TOMM70: variants seen among roughly 807,000 people sequenced by gnomAD.
The protein encoded by TOMM70 is translocase of outer mitochondrial membrane 70, also known as mitochondrial import receptor subunit TOM70.
Under a neutral mutation model 73.6 loss-of-function variants are expected in TOMM70, and 13 were observed. The ratio of observed to expected loss-of-function variants is 0.18; its 90% CI spans 0.11 to 0.28. The LOEUF is 0.28. Ranked by LOEUF, TOMM70 falls within the 10% of genes least tolerant of loss-of-function variation. The pLI is 1.00. For synonymous variants in TOMM70, 257 were observed against 271.2 expected (o/e 0.95, Z 0.51); for missense variants, 609 against 747.5 (o/e 0.81, Z 2.16).
At chr3:100,383,522 C>CAAAA (rs61429707) in intron 4 of TOMM70, among the ~76,000 whole-genome samples, 1 of 136,658 alleles carries the variant, frequency 7.3e-6, no homozygotes. Flanking sequence ...AAAAAACAAA[C>CAAAA]AAAAAAAAAA....
chr3:100,393,699 A>G (rs1167912258), intron 1 of TOMM70, among the ~76,000 whole-genome samples: 2 of 150,364 alleles, frequency 1.3e-5, no homozygotes, highest in East Asian at 3.9e-4. Flanking sequence ...ATGACATGAA[A>G]TCTACTCTAG....
intron 1 of TOMM70, among the ~76,000 whole-genome samples, chr3:100,392,904 C>T (rs76807816): frequency 0.15 from 22,697 of 151,802 alleles, 3,129 homozygotes; most frequent in East Asian, 0.49. Context: ...TGGCCAGGCA[C>T]GGTGGCTCAT....
chr3:100,387,806 T>C (rs1706711723), intron 1 of TOMM70, among the ~76,000 whole-genome samples: 1 of 152,038 alleles, frequency 6.6e-6, no homozygotes, highest in Non-Finnish European at 1.5e-5. Flanking sequence ...TGGCTAATTT[T>C]TTAATTTTTA....
rs192297797 is a variant in TOMM70 at position 100,378,974 on chromosome 3, T to G, written c.885-1062A>C. On this transcript the variant is annotated intron_variant, in intron 5 of 11. Transcript: ENST00000284320. Reference sequence around the variant, plus strand: ...GTGAGCTGAGATCGCGCCACTACACTCCAGCTTGGGCGACAGAGCGAGACT... The same window carrying G: ...GTGAGCTGAGATCGCGCCACTACACGCCAGCTTGGGCGACAGAGCGAGACT... Among the ~76,000 whole-genome samples the G allele has an allele frequency of 4.0e-3, 612 of 151,994 alleles. 3 individuals carry two copies. The highest frequency in any genetic ancestry group is 7.9e-3 in the South Asian group (38 of 4,802).
chr3:100,377,490 A>C (rs1352241088), intron 6 of TOMM70: 8 of 528,126 alleles, frequency 1.5e-5, no homozygotes, highest in Admixed American at 3.2e-5. Flanking sequence ...CTATAGGAAA[A>C]AAAAATTTCC....
At chr3:100,373,752 T>C (rs1381436508) in intron 7 of TOMM70, 107 bp from the exon 8 acceptor site, 1 of 605,494 alleles carries the variant, frequency 1.7e-6, no homozygotes, top group Non-Finnish European at 2.8e-6. Context: ...CATGTAGTAG[T>C]AATTCAATAT....
chr3:100,368,023 C>G, intron 11 of TOMM70, 21 bp downstream of exon 11: 1 of 1,609,132 alleles, frequency 6.2e-7, no homozygotes, highest in Non-Finnish European at 8.5e-7. Flanking sequence ...CATATATTTC[C>G]TAACAGACTC....
At position 100,363,721 on chromosome 3, in the gene TOMM70, TTTA is replaced by T. The variant is rs889519918; in HGVS notation, c.*1840_*1842del. On this transcript the variant is annotated 3_prime_UTR_variant, in exon 12 of 12. Transcript: ENST00000284320. ...ATACAGCCATGCAAATAAAAACTTT[TTTA>T]AAGTCAGAGGTCATTCAGAGATGTA... The T allele has an allele frequency of 8.5e-5, 13 of 152,634 alleles. No homozygotes were observed. Among genetic ancestry groups the T allele is most frequent in the African/African-American group, 2.4e-5 (1 of 41,460 alleles). 9.5% of individuals were successfully genotyped at this position (152,634 alleles called of 1,614,324 possible).
At chr3:100,390,392 A>G (rs928302194) in intron 1 of TOMM70, among the ~76,000 whole-genome samples, 1 of 152,348 alleles carries the variant, frequency 6.6e-6, no homozygotes, top group African/African-American at 2.4e-5. Flanking sequence ...CTGAATATAC[A>G]ATGGTGGTCC....
At chr3:100,393,517 G>A (rs1706787288) in intron 1 of TOMM70, among the ~76,000 whole-genome samples, 1 of 152,078 alleles carries the variant, frequency 6.6e-6, no homozygotes, top group African/African-American at 2.4e-5. Flanking sequence ...CTTGGGTGAT[G>A]AGTGCACTAA....
rs114607624 is a variant in TOMM70 at position 100,368,447 on chromosome 3, G to A, written c.1551-281C>T. 3.3e-3 allele frequency among the ~76,000 whole-genome samples: 509 copies of A among 152,180 alleles called. 3 individuals carry two copies. Among genetic ancestry groups the A allele is most frequent in the Middle Eastern group, 0.014 (4 of 294 alleles). ...TATAAATTTAAGTGAAGTTTCTTAG[G>A]ATAATTCAAGTACGCAAGGACACGA... On this transcript the variant is annotated intron_variant, in intron 10 of 11. Coordinates refer to ENST00000284320, the MANE Select transcript of TOMM70 (RefSeq NM_014820.5).
At position 100,384,500 on chromosome 3, in the gene TOMM70, C is replaced by T. The variant is rs570670915; in HGVS notation, c.714G>A (p.Glu238=). 5.0e-5 allele frequency: 81 copies of T among 1,609,818 alleles called. No individual in the cohort carries two copies. Among genetic ancestry groups the T allele is most frequent in the Non-Finnish European group, 6.3e-5 (74 of 1,178,440 alleles). ...TTACCTTATATTTTTCTTTGGCTTT[C>T]TCTTTTCCAAGGAGTTTAAGAACTT... The part of the protein sequence containing the change: ...ADKVLKLLGK[E]KAKEKYKNRE... The change falls in exon 4 of 12, where the codon GAG becomes GAA. Residue 238 remains glutamate (E), a synonymous_variant. Coordinates refer to ENST00000284320, the MANE Select transcript of TOMM70 (RefSeq NM_014820.5).
At chr3:100,398,424 A>G (rs569619357) in intron 1 of TOMM70, among the ~76,000 whole-genome samples, 1 of 152,064 alleles carries the variant, frequency 6.6e-6, no homozygotes, top group South Asian at 2.1e-4. Context: ...ATGTATAGAA[A>G]CTATCTTTAT....
chr3:100,383,319 C>T (rs1402134556), intron 4 of TOMM70, among the ~76,000 whole-genome samples: 6 of 152,052 alleles, frequency 3.9e-5, no homozygotes, highest in East Asian at 3.9e-4. Context: ...CTCAGGAGTT[C>T]GAGACCAGCC....
chr3:100,372,412 G>C, intron 9 of TOMM70, 194 bp downstream of exon 9: 2 of 431,588 alleles, frequency 4.6e-6, no homozygotes, highest in South Asian at 1.5e-4. Context: ...TTAGGGCCAT[G>C]ATTTCCAAAT....
chr3:100,373,297 C>T (rs926051318), intron 8 of TOMM70, among the ~76,000 whole-genome samples: 1 of 152,078 alleles, frequency 6.6e-6, no homozygotes, highest in Non-Finnish European at 1.5e-5. Context: ...TATGATGAAG[C>T]AGGGAGACCA....
intron 5 of TOMM70, among the ~76,000 whole-genome samples, chr3:100,381,135 A>C (rs1706629428): frequency 6.6e-6 from 1 of 152,178 alleles, no homozygotes; most frequent in Non-Finnish European, 1.5e-5. Flanking sequence ...AGCTCTCTAC[A>C]GGCTCCAACA....
intron 5 of TOMM70, among the ~76,000 whole-genome samples, chr3:100,380,785 G>A (rs774020799): frequency 1.1e-4 from 17 of 152,130 alleles, no homozygotes; most frequent in Non-Finnish European, 2.4e-4. Flanking sequence ...GTACACTGCA[G>A]TATAATTATG....
intron 5 of TOMM70, among the ~76,000 whole-genome samples, chr3:100,378,242 C>G (rs1430246809): frequency 7.7e-6 from 1 of 129,780 alleles, no homozygotes; most frequent in Non-Finnish European, 1.7e-5. Context: ...GACTCCATCT[C>G]AAAAAAAAAA....
Sources: allele counts gnomAD v4.1 joint callset (sites outside exome capture counted in the v4.1 genomes callset), GRCh38; gene constraint gnomAD v4.1.1; transcripts MANE v1.5; gene names NCBI Gene and HGNC (gene_info 2026-07-23, HGNC 2026-07-21).